The following XKR9 variants were observed in gnomAD, a reference collection of about 807,000 sequenced individuals.
XKR9 encodes XK related 9.
XKR9 carries 32 observed loss-of-function variants against 32.0 expected under a neutral mutation model. That is an observed-to-expected ratio of 1.00 (90% confidence interval 0.76 to 1.34). The LOEUF (loss-of-function observed/expected upper bound fraction) is 1.34. Ranked by LOEUF, XKR9 falls within the 40% of genes most tolerant of loss-of-function variation. The probability of loss-of-function intolerance (pLI) is 0.00; values close to 1 mark genes in which losing one functional copy is unlikely to be tolerated. For synonymous variants in XKR9, 168 were observed against 143.4 expected (o/e 1.17, Z -1.22); for missense variants, 546 against 429.7 (o/e 1.27, Z -2.39).
the XKR9 span, among the ~76,000 whole-genome samples, chr8:70,905,150 G>T: frequency 2.0e-5 from 3 of 152,160 alleles, no homozygotes; most frequent in African/African-American, 7.2e-5. Context: ...TGTATTTCCT[G>T]AATTTGAATG....
At chr8:70,773,526 AT>A (rs1563476083) in intron 2 of XKR9, among the ~76,000 whole-genome samples, 1 of 152,164 alleles carries the variant, frequency 6.6e-6, no homozygotes, top group African/African-American at 2.4e-5. Context: ...CAACATGTAC[AT>A]TTTGGGAAAG....
At chr8:70,717,791 A>G (rs1324308751) in intron 4 of XKR9, among the ~76,000 whole-genome samples, 6 of 152,184 alleles carry the variant, frequency 3.9e-5, no homozygotes, top group Non-Finnish European at 8.8e-5. Context: ...TGCTCAGAAA[A>G]TGAATTTTTC....
chr8:70,832,306 C>T, the XKR9 span, among the ~76,000 whole-genome samples: 2 of 152,058 alleles, frequency 1.3e-5, no homozygotes, highest in African/African-American at 2.4e-5. Context: ...GGGGTAGGGA[C>T]ATTGAAGTTT....
At chr8:70,988,596 T>G in the XKR9 span, among the ~76,000 whole-genome samples, 1 of 152,142 alleles carries the variant, frequency 6.6e-6, no homozygotes, top group Non-Finnish European at 1.5e-5. Flanking sequence ...TTATTTTTCC[T>G]CCATGTGAGC....
Position 70,734,049 on chromosome 8 carries a change from C to T in XKR9, c.747C>T (p.Asn249=). The T allele has an allele frequency of 1.2e-6, 2 of 1,613,358 alleles. No individual in the cohort carries two copies. The highest frequency in any genetic ancestry group is 1.7e-6 in the Non-Finnish European group (2 of 1,179,614). ...TAGGTATAATATGGGCATTTAAAAA[C>T]AACACCCAGTTTTGTACTTGTATAA... ...WLLGIIWAFK[N]NTQFCTCISM... The change falls in exon 5 of 5, where the codon AAC becomes AAT. Residue 249 remains asparagine, a synonymous_variant. Transcript: ENST00000408926.
At chr8:70,885,505 CT>C in the XKR9 span, among the ~76,000 whole-genome samples, 1 of 152,042 alleles carries the variant, frequency 6.6e-6, no homozygotes, top group Non-Finnish European at 1.5e-5. Flanking sequence ...ACCTATCAAT[CT>C]GTCATCTAGG....
intron 4 of XKR9, among the ~76,000 whole-genome samples, chr8:70,718,606 A>G (rs950376366): frequency 6.6e-6 from 1 of 152,104 alleles, no homozygotes; most frequent in Non-Finnish European, 1.5e-5. Flanking sequence ...TTTGCTGAGA[A>G]TGATGGTTTC....
chr8:70,743,025 C>A (rs1230422306), intron 2 of XKR9, among the ~76,000 whole-genome samples: 1 of 151,954 alleles, frequency 6.6e-6, no homozygotes, highest in African/African-American at 2.4e-5. Flanking sequence ...TCTTTATCTT[C>A]TTGGAGTCCA....
At chr8:70,776,919 T>TCTCTCTCTCTCTCTCTCTCTCTCTCTCTC (rs1466163794) in intron 2 of XKR9, among the ~76,000 whole-genome samples, 1 of 70,486 alleles carries the variant, frequency 1.4e-5, no homozygotes, top group Non-Finnish European at 2.5e-5. Context: ...GGTTTTCTCT[T>TCTCTCTCTCTCTCTCTCTCTCTCTCTCTC]TCTTTCTCTC....
the XKR9 span, among the ~76,000 whole-genome samples, chr8:70,957,783 CTTTTTTTTTTTTTT>C: frequency 2.4e-5 from 2 of 84,792 alleles, no homozygotes; most frequent in Non-Finnish European, 4.5e-5. Context: ...TTCAGTCTAT[CTTTTTTTTTTTTTT>C]TTTTTTTTTT....
chr8:70,814,087 T>C, the XKR9 span, among the ~76,000 whole-genome samples: 4 of 152,134 alleles, frequency 2.6e-5, no homozygotes, highest in African/African-American at 9.7e-5. Context: ...ATGTGGCACA[T>C]ATACACCATG....
chr8:70,896,393 CTA>C, the XKR9 span, among the ~76,000 whole-genome samples: 1 of 151,932 alleles, frequency 6.6e-6, no homozygotes, highest in African/African-American at 2.4e-5. Flanking sequence ...TTTAGATTTT[CTA>C]TCTCTTTTTG....
chr8:70,801,823 G>A, the XKR9 span, among the ~76,000 whole-genome samples: 1 of 152,074 alleles, frequency 6.6e-6, no homozygotes, highest in Non-Finnish European at 1.5e-5. Context: ...CTAAGAACAT[G>A]CTTTATGAAT....
chr8:71,034,051 A>G, the XKR9 span, among the ~76,000 whole-genome samples: 1 of 152,240 alleles, frequency 6.6e-6, no homozygotes, highest in Non-Finnish European at 1.5e-5. Context: ...GAGTAGGCTT[A>G]TGACTGCTTT....
chr8:71,003,116 G>T, the XKR9 span, among the ~76,000 whole-genome samples: 1 of 152,228 alleles, frequency 6.6e-6, no homozygotes. Context: ...TTTTGAATGT[G>T]ATCTCTTTCA....
the XKR9 span, among the ~76,000 whole-genome samples, chr8:70,934,589 C>A: frequency 5.9e-5 from 9 of 151,970 alleles, no homozygotes; most frequent in African/African-American, 1.9e-4. Flanking sequence ...ATTCAATGGA[C>A]CAAACAACAC....
chr8:70,917,783 T>G, the XKR9 span, among the ~76,000 whole-genome samples: 1 of 152,226 alleles, frequency 6.6e-6, no homozygotes, highest in Non-Finnish European at 1.5e-5. Context: ...TATAGATTAT[T>G]AAATGCACAT....
the XKR9 span, among the ~76,000 whole-genome samples, chr8:70,892,312 T>C: frequency 6.6e-6 from 1 of 152,142 alleles, no homozygotes; most frequent in East Asian, 1.9e-4. Flanking sequence ...TTCTGGTTGT[T>C]TTACATATAT....
intron 4 of XKR9, among the ~76,000 whole-genome samples, chr8:70,725,086 C>T (rs937131840): frequency 1.3e-5 from 2 of 152,016 alleles, no homozygotes; most frequent in South Asian, 4.1e-4. Context: ...AAGGCAGAGG[C>T]CCTTTATGAA....
Sources: gnomAD v4.1 joint callset for allele counts (sites outside exome capture counted in the v4.1 genomes callset) on GRCh38, gnomAD v4.1.1 for gene constraint, MANE v1.5 for transcripts, NCBI Gene and HGNC (gene_info 2026-07-23, HGNC 2026-07-21) for gene names.